CPVL: variants seen among roughly 807,000 people sequenced by gnomAD.
CPVL encodes the protein carboxypeptidase vitellogenic like.
A neutral mutation model predicts 63.7 loss-of-function variants in CPVL; 51 were observed. That is an observed-to-expected ratio of 0.80 (90% CI 0.64 to 1.01). The LOEUF (loss-of-function observed/expected upper bound fraction) is 1.01. Ranked by LOEUF, CPVL falls within the 50% of genes least tolerant of loss-of-function variation. CPVL has a pLI of 0.00. For missense variants in CPVL, 530 were observed against 573.1 expected (o/e 0.92, Z 0.77); for synonymous variants, 195 against 206.0 (o/e 0.95, Z 0.46).
In CPVL at chr7:29,116,725, G is replaced by C. The variant is rs147223285; in HGVS notation, c.170-3903C>G. On this transcript the variant is annotated intron_variant, in intron 2 of 12. Transcript: ENST00000265394. ...AGTCTTTAAAGTGTGAAAATGCAGTGTTTATAAACAAGCTAAAATGTGCCT... is the reference window on the plus strand; with the variant it reads ...AGTCTTTAAAGTGTGAAAATGCAGTCTTTATAAACAAGCTAAAATGTGCCT... 4.8e-3 allele frequency among the ~76,000 whole-genome samples: 725 copies of C among 152,326 alleles called. 2 individuals are homozygous for C. Among genetic ancestry groups the C allele is most frequent in the Middle Eastern group, 0.01 (3 of 294 alleles).
intron 5 of CPVL, among the ~76,000 whole-genome samples, chr7:29,163,122 A>G (rs925379527): frequency 6.6e-6 from 1 of 152,250 alleles, no homozygotes; most frequent in African/African-American, 2.4e-5. Flanking sequence ...TGAGTCTGTA[A>G]TTATTTCAAA....
chr7:29,052,343 CA>C (rs1354088983), intron 11 of CPVL, among the ~76,000 whole-genome samples: 2 of 149,128 alleles, frequency 1.3e-5, no homozygotes, highest in East Asian at 4.1e-4. Context: ...TTCACACACC[CA>C]AATTGTGAAT....
chr7:29,145,173 A>G (rs1792359122), intron 1 of CPVL, among the ~76,000 whole-genome samples: 2 of 151,916 alleles, frequency 1.3e-5, no homozygotes, highest in Admixed American at 6.6e-5. Context: ...CTTTTGGACA[A>G]CTTTCTTAAA....
At chr7:29,072,588 T>C (rs1783859184) in intron 7 of CPVL, among the ~76,000 whole-genome samples, 165 bp from the exon 8 acceptor site, 1 of 152,244 alleles carries the variant, frequency 6.6e-6, no homozygotes, top group African/African-American at 2.4e-5. Context: ...AAAACCTCTG[T>C]CTTCCAATTC....
Position 29,028,950 on chromosome 7 carries a change from G to C in CPVL, c.1320+1627C>G, listed in dbSNP as rs936686672. Among the ~76,000 whole-genome samples, 9 of 130,834 alleles carry C rather than the reference G, an allele frequency of 6.9e-5. No individual in the cohort carries two copies. In the Admixed American group the frequency reaches 7.9e-4, roughly 11 times the overall value. The allele number at this position is 130,834 out of a possible 152,430, so 85.8% of individuals were successfully genotyped here. ...CCACGGCACTCCAGCCTGGGCAACA[G>C]AGCAAGACTCCATCTCAAAAAAAAA... On this transcript the variant is annotated intron_variant, in intron 12 of 12. Transcript: ENST00000265394.
intron 7 of CPVL, among the ~76,000 whole-genome samples, chr7:29,083,940 C>G (rs1361231767): frequency 6.7e-6 from 1 of 149,382 alleles, no homozygotes; most frequent in Non-Finnish European, 1.5e-5. Context: ...CTTTTTTTTT[C>G]TTTTTTCAAG....
chr7:29,036,730 C>A (rs887354220), intron 11 of CPVL, among the ~76,000 whole-genome samples: 1 of 152,124 alleles, frequency 6.6e-6, no homozygotes, highest in Non-Finnish European at 1.5e-5. Context: ...CACTTAAATG[C>A]TAGAAAAGTG....
intron 7 of CPVL, among the ~76,000 whole-genome samples, chr7:29,073,251 A>C (rs1438644588): frequency 6.6e-6 from 1 of 152,076 alleles, no homozygotes; most frequent in African/African-American, 2.4e-5. Flanking sequence ...CATTCGTTAT[A>C]TCTCTCTTTG....
chr7:29,146,458 G>A lies in CPVL; in HGVS notation c.-40C>T. ...CGCAGTCGGTGCTCCTCCCTGAGCC[G>A]CGGCGCGCAAGGACCCCAGCCGGTT... On this transcript the variant is annotated 5_prime_UTR_variant, in exon 1 of 13. Coordinates refer to ENST00000265394, the MANE Select transcript of CPVL (RefSeq NM_031311.5). 3.6e-6 allele frequency: 5 copies of A among 1,385,974 alleles called. No homozygotes were observed. The highest frequency in any genetic ancestry group is 2.9e-5 in the Admixed American group (1 of 34,384). The allele number at this position is 1,385,974 out of a possible 1,614,324, so 85.9% of individuals were successfully genotyped here.
chr7:29,032,750 C>T (rs1364095762), intron 11 of CPVL, among the ~76,000 whole-genome samples: 1 of 152,226 alleles, frequency 6.6e-6, no homozygotes, highest in Non-Finnish European at 1.5e-5. Context: ...CTACAGGCAG[C>T]TTGCATCTCT....
At chr7:29,186,263 AT>A (rs1454866627) in intron 2 of CPVL, among the ~76,000 whole-genome samples, 1 of 152,018 alleles carries the variant, frequency 6.6e-6, no homozygotes, top group African/African-American at 2.4e-5. Context: ...CAAAAAAAAA[AT>A]GACAGTATCA....
At chr7:29,081,746 G>C (rs1312609507) in intron 7 of CPVL, among the ~76,000 whole-genome samples, 1 of 152,148 alleles carries the variant, frequency 6.6e-6, no homozygotes. Flanking sequence ...TATTAGCCCA[G>C]CTTTTCAGCA....
At chr7:29,112,311 G>A (rs539410375) in intron 3 of CPVL, among the ~76,000 whole-genome samples, 8 of 152,024 alleles carry the variant, frequency 5.3e-5, no homozygotes, top group Non-Finnish European at 1.2e-4. Flanking sequence ...ACTTAGCCAC[G>A]CATTACCTGT....
chr7:29,192,899 G>C (rs1391123900), intron 1 of CPVL: 1 of 152,228 alleles, frequency 6.6e-6, no homozygotes, highest in East Asian at 1.9e-4. Context: ...TAGATTACTA[G>C]TCAAACAAGT....
intron 4 of CPVL, among the ~76,000 whole-genome samples, chr7:29,182,854 T>G (rs1217988744): frequency 6.6e-6 from 1 of 152,186 alleles, no homozygotes; most frequent in African/African-American, 2.4e-5. Flanking sequence ...TAATCCCGTT[T>G]TTGCCCTTTT....
At chr7:29,132,279 G>A (rs1002192636) in intron 1 of CPVL, among the ~76,000 whole-genome samples, 1 of 152,106 alleles carries the variant, frequency 6.6e-6, no homozygotes, top group Non-Finnish European at 1.5e-5. Context: ...GCGATGGTCG[G>A]AGTGGTTCGA....
Position 29,146,495 on chromosome 7 carries a change from G to A in CPVL, c.-77C>T. 3 of 1,457,140 alleles carry A rather than the reference G, an allele frequency of 2.1e-6. No individual in the cohort carries two copies. Among genetic ancestry groups the A allele is most frequent in the Non-Finnish European group, 1.8e-6 (2 of 1,105,526 alleles). 90.3% of individuals were successfully genotyped at this position (1,457,140 alleles called of 1,614,324 possible). A position where few individuals can be genotyped will look rare whatever the true frequency, so the allele number is the denominator to read the frequency against. The stretch of plus-strand genomic sequence containing the variant: ...GACCCCAGCCGGTTGTCCTTGCAGC[G>A]CTTCCCAAATCAGGCAGAAGTGAGG... On this transcript the variant is annotated 5_prime_UTR_variant, in exon 1 of 13. Coordinates refer to ENST00000265394, the MANE Select transcript of CPVL (RefSeq NM_031311.5).
At chr7:29,133,649 G>C (rs1790916473) in intron 1 of CPVL, among the ~76,000 whole-genome samples, 1 of 152,222 alleles carries the variant, frequency 6.6e-6, no homozygotes, top group African/African-American at 2.4e-5. Flanking sequence ...TGGTGAATCA[G>C]AAACATTTGT....
At chr7:29,132,229 G>A (rs570038022) in intron 1 of CPVL, among the ~76,000 whole-genome samples, 70 of 152,270 alleles carry the variant, frequency 4.6e-4, no homozygotes, top group Middle Eastern at 6.8e-3. Flanking sequence ...CCATTAACAG[G>A]AAACAATGCA....
Sources: gnomAD v4.1 joint callset for allele counts (sites outside exome capture counted in the v4.1 genomes callset) on GRCh38, gnomAD v4.1.1 for gene constraint, MANE v1.5 for transcripts, NCBI Gene and HGNC (gene_info 2026-07-23, HGNC 2026-07-21) for gene names.